Variants in PCDHGB1 observed in about 807,000 individuals in gnomAD.
PCDHGB1 encodes the protein protocadherin gamma subfamily B, 1.
A neutral mutation model predicts 56.6 loss-of-function variants in PCDHGB1; 34 were observed. The observed-to-expected ratio is 0.60, with a 90% CI of 0.46 to 0.80. The LOEUF (loss-of-function observed/expected upper bound fraction) is 0.80. Ranked by LOEUF, PCDHGB1 falls within the 30% of genes least tolerant of loss-of-function variation. PCDHGB1 has a pLI of 0.00. For synonymous variants in PCDHGB1, 561 were observed against 505.9 expected, an observed-to-expected ratio of 1.11 and a Z score of -1.46; for missense variants, 1,278 against 1,204.6, an observed-to-expected ratio of 1.06 and a Z score of -0.90.
intron 1 of PCDHGB1, chr5:141,412,359 A>G (rs2095550851): frequency 6.6e-6 from 1 of 152,226 alleles, no homozygotes; most frequent in Non-Finnish European, 1.5e-5. Flanking sequence ...GTTTGTGATT[A>G]CCTGCTTAAT....
At chr5:141,488,691 G>A (rs1443084778) in intron 1 of PCDHGB1, among the ~76,000 whole-genome samples, 2 of 152,192 alleles carry the variant, frequency 1.3e-5, no homozygotes, top group Non-Finnish European at 2.9e-5. Flanking sequence ...CTCCCAGAAG[G>A]ACAAGATTTT....
intron 1 of PCDHGB1, chr5:141,404,640 T>C (rs368593595): frequency 1.6e-5 from 26 of 1,614,092 alleles, no homozygotes; most frequent in East Asian, 2.2e-5. Context: ...CCAGAAATCC[T>C]GTACCCTGCC....
In PCDHGB1 at chr5:141,408,415, G is replaced by A. The variant is rs554066897; in HGVS notation, c.2409+55746G>A. The A allele has an allele frequency of 1.8e-5, 29 of 1,614,074 alleles. 1 individual carries two copies. In the South Asian group the frequency reaches 2.9e-4, roughly 16 times the overall value. On this transcript the variant is annotated intron_variant, in intron 1 of 3. Coordinates refer to ENST00000523390, the MANE Select transcript of PCDHGB1 (RefSeq NM_018922.3). Reference sequence around the variant, plus strand: ...CTCGCAAGCTGCGAGTGAGCGCGGAGAAGCTGCACTTCAGCGTAGACGCGG... The same window carrying A: ...CTCGCAAGCTGCGAGTGAGCGCGGAAAAGCTGCACTTCAGCGTAGACGCGG...
chr5:141,389,341 C>G, intron 1 of PCDHGB1: 1 of 1,614,016 alleles, frequency 6.2e-7, no homozygotes, highest in East Asian at 2.2e-5. Context: ...GGCCAAGTCT[C>G]TTACTGCATC....
chr5:141,441,633 C>T, intron 1 of PCDHGB1: 1 of 226,756 alleles, frequency 4.4e-6, no homozygotes, highest in Non-Finnish European at 8.9e-6. Flanking sequence ...CCTGGAGCCA[C>T]AGGCGCTGTG....
In PCDHGB1 at chr5:141,447,883, C is replaced by T. The variant is rs184337553; in HGVS notation, c.2410-46924C>T. Among the ~76,000 whole-genome samples the T allele has an allele frequency of 3.9e-3, 599 of 152,000 alleles. 3 individuals are homozygous for T. The highest frequency in any genetic ancestry group is 0.014 in the African/African-American group (563 of 41,452). ...GGTGAATCATCTGAGGTCAGGAGTT[C>T]GAGACCAGCCTGGCCAACATGGTGA... On this transcript the variant is annotated intron_variant, in intron 1 of 3. Coordinates refer to ENST00000523390, the MANE Select transcript of PCDHGB1 (RefSeq NM_018922.3).
In PCDHGB1 at chr5:141,352,144, G is replaced by C; in HGVS notation, c.1884G>C (p.Leu628Phe). The stretch of plus-strand genomic sequence containing the variant: ...GTGAGGTGCGCACAGCGCGTGCCTT[G>C]GGCGACAGGGACGCGGCCCGCCAGC... ...RTGEVRTARALGDRDAARQRL... is the reference protein window; with the variant it reads ...RTGEVRTARAFGDRDAARQRL... The change falls in exon 1 of 4, where the codon TTG becomes TTC. Residue 628 changes from leucine to phenylalanine, a missense_variant. Leu to Phe is a conservative substitution (Grantham distance 22, BLOSUM62 0). Transcript: ENST00000523390. The C allele has an allele frequency of 1.2e-6, 2 of 1,612,258 alleles. No homozygotes were observed. Among genetic ancestry groups the C allele is most frequent in the Non-Finnish European group, 1.7e-6 (2 of 1,179,394 alleles).
chr5:141,509,435 T>C (rs547082417), intron 3 of PCDHGB1, among the ~76,000 whole-genome samples: 1 of 152,214 alleles, frequency 6.6e-6, no homozygotes, highest in South Asian at 2.1e-4. Context: ...AAACTCTTGT[T>C]TCCTCCTCTC....
rs561451935 is a variant in PCDHGB1 at position 141,423,179 on chromosome 5, G to A, written c.2409+70510G>A. 21 of 1,613,516 alleles carry A rather than the reference G, an allele frequency of 1.3e-5. No individual in the cohort carries two copies. The South Asian group carries it at 2.1e-4, about 16-fold the overall frequency. ...CTCGTGGTGGCCGTCCAGGACCACG[G>A]CCAGCCCCCTCTCTCGGCCACCGTC... On this transcript the variant is annotated intron_variant, in intron 1 of 3. Transcript: ENST00000523390.
At position 141,431,213 on chromosome 5, in the gene PCDHGB1, T is replaced by A; in HGVS notation, c.2410-63594T>A. 6.2e-7 allele frequency: 1 copy of A among 1,614,142 alleles called. No individual in the cohort carries two copies. The highest frequency in any genetic ancestry group is 8.5e-7 in the Non-Finnish European group (1 of 1,180,038). On this transcript the variant is annotated intron_variant, in intron 1 of 3. Coordinates refer to ENST00000523390, the MANE Select transcript of PCDHGB1 (RefSeq NM_018922.3). The surrounding 1 kb of genome is among the most constrained non-coding windows in gnomAD (Gnocchi z 4.8). ...TGAAAATGCAGCCACTGAGATGCGG[T>A]TCCCTCTACCCCACGCCTGGGATCC...
intron 1 of PCDHGB1, among the ~76,000 whole-genome samples, chr5:141,439,190 C>CAAA (rs200519543): frequency 1.8e-5 from 2 of 111,760 alleles, no homozygotes; most frequent in African/African-American, 6.3e-5. Context: ...GAGACTCTGA[C>CAAA]AAAAAAAAAA....
intron 1 of PCDHGB1, chr5:141,376,616 G>C: frequency 7.1e-7 from 1 of 1,413,872 alleles, no homozygotes; most frequent in Non-Finnish European, 9.6e-7. Flanking sequence ...AACCTCTTTT[G>C]GTACAGGAAG....
intron 1 of PCDHGB1, chr5:141,393,668 T>C (rs1048580916): frequency 6.2e-7 from 1 of 1,613,872 alleles, no homozygotes. Context: ...GGAAAATTAA[T>C]GAAAAACAAA....
chr5:141,486,498 T>C lies in PCDHGB1; in HGVS notation c.2410-8309T>C, dbSNP rs755907391. On this transcript the variant is annotated intron_variant, in intron 1 of 3. Coordinates refer to ENST00000523390, the MANE Select transcript of PCDHGB1 (RefSeq NM_018922.3). The surrounding 1 kb of genome is among the most constrained non-coding windows in gnomAD (Gnocchi z 5.0). The stretch of plus-strand genomic sequence containing the variant: ...CCTCTCAGTACCCACAGAACTATTT[T>C]CCTCAATATTTCAGATGTGAATGAT... 6.2e-7 allele frequency: 1 copy of C among 1,614,030 alleles called. No individual in the cohort carries two copies. The highest frequency in any genetic ancestry group is 8.5e-7 in the Non-Finnish European group (1 of 1,179,874).
intron 1 of PCDHGB1, among the ~76,000 whole-genome samples, chr5:141,456,917 C>G (rs1005360691): frequency 2.6e-5 from 4 of 152,032 alleles, no homozygotes; most frequent in Non-Finnish European, 5.9e-5. Context: ...GAGCCGAGAT[C>G]GCACCACTGC....
At position 141,350,560 on chromosome 5, in the gene PCDHGB1, A is replaced by C. The variant is rs769443281; in HGVS notation, c.300A>C (p.Ala100=). The C allele has an allele frequency of 1.8e-5, 29 of 1,613,916 alleles. No homozygotes were observed. The highest frequency in any genetic ancestry group is 1.5e-4 in the African/African-American group (11 of 74,938). The change falls in exon 1 of 4, where the codon GCA becomes GCC. Residue 100 remains alanine (A), a synonymous_variant. Transcript: ENST00000523390. ...TTTGCGGAAGGAAACTTGAGTGTGC[A>C]CTAGAATTCGAAACGGTCGCTGAAA... ...EKICGRKLEC[A]LEFETVAENP...
rs117345436 is a variant in PCDHGB1 at position 141,492,015 on chromosome 5, G to T, written c.2410-2792G>T. 1,356 of 600,608 alleles carry T rather than the reference G, an allele frequency of 2.3e-3. 40 individuals carry two copies. The East Asian group carries it at 0.038, about 17-fold the overall frequency. The allele number at this position is 600,608 out of a possible 1,614,324, so 37.2% of individuals were successfully genotyped here. A position where few individuals can be genotyped will look rare whatever the true frequency, so the allele number is the denominator to read the frequency against. ...ATTTCGGGCGATTTCCGCGGGTGTC[G>T]GGGGTCCCGGGAGGAGGCAGTCACA... On this transcript the variant is annotated intron_variant, in intron 1 of 3. Transcript: ENST00000523390.
At position 141,489,384 on chromosome 5, in the gene PCDHGB1, T is replaced by G; in HGVS notation, c.2410-5423T>G. The G allele has an allele frequency of 6.2e-7, 1 of 1,613,986 alleles. No individual in the cohort carries two copies. The highest frequency in any genetic ancestry group is 1.3e-5 in the African/African-American group (1 of 75,042). On this transcript the variant is annotated intron_variant, in intron 1 of 3. Transcript: ENST00000523390. This position sits in a 1 kb window ranked among gnomAD's most constrained non-coding sequence, Gnocchi z 4.5. ...AGCCGGGGACGCTGGTGGGGAATGT[T>G]GCTCAGGATCTGGGCTTAAAGATGA...
intron 1 of PCDHGB1, chr5:141,398,208 G>C (rs898628305): frequency 1.3e-6 from 2 of 1,486,802 alleles, no homozygotes; most frequent in Non-Finnish European, 9.0e-7. Context: ...TGTTCTGCCC[G>C]GCGCTCTGTG....
Sources: gnomAD v4.1 joint callset for allele counts (sites outside exome capture counted in the v4.1 genomes callset) on GRCh38, gnomAD v4.1.1 for gene constraint, Gnocchi (gnomAD v3.1) non-coding constraint, MANE v1.5 for transcripts, NCBI Gene and HGNC (gene_info 2026-07-23, HGNC 2026-07-21) for gene names.